AKAP13: variants seen among roughly 807,000 people sequenced by gnomAD.
The protein encoded by AKAP13 is A-kinase anchor protein 13.
In AKAP13, 80 loss-of-function variants were observed where a neutral mutation model predicts 264.5. That is an observed-to-expected ratio of 0.30 (90% confidence interval 0.25 to 0.36). AKAP13 has a LOEUF of 0.36. Ranked by LOEUF, AKAP13 falls within the 10% of genes least tolerant of loss-of-function variation. The pLI is 1.00. For missense variants in AKAP13, 3,712 were observed against 3,435.2 expected, an observed-to-expected ratio of 1.08 and a Z score of -2.01; for synonymous variants, 1,380 against 1,250.2, an observed-to-expected ratio of 1.10 and a Z score of -2.19.
chr15:85,679,968 C>A (rs1021394544), intron 14 of AKAP13, among the ~76,000 whole-genome samples: 6 of 152,126 alleles, frequency 3.9e-5, no homozygotes, highest in Non-Finnish European at 8.8e-5. Context: ...AAAAGGTCAT[C>A]ATAACTTAAC....
intron 1 of AKAP13, among the ~76,000 whole-genome samples, chr15:85,393,067 G>T (rs997808833): frequency 6.6e-6 from 1 of 152,152 alleles, no homozygotes; most frequent in African/African-American, 2.4e-5. Flanking sequence ...TATCATCCTT[G>T]TCTTGGCATT....
Position 85,639,312 on chromosome 15 carries a change from A to C in AKAP13, c.4162-62A>C, listed in dbSNP as rs939985494. On this transcript the variant is annotated intron_variant, in intron 8 of 36. Coordinates refer to ENST00000394518, the MANE Select transcript of AKAP13 (RefSeq NM_007200.5). ...GTTGGTCAGTTGACATAATTTTGGC[A>C]CCTGTAAAATTATCTCACATTACTT... 33 of 1,156,106 alleles carry C rather than the reference A, an allele frequency of 2.9e-5. No homozygotes were observed. In the South Asian group the frequency reaches 4.1e-4, roughly 14 times the overall value. The allele number at this position is 1,156,106 out of a possible 1,614,324, so 71.6% of individuals were successfully genotyped here.
rs116880040 is a variant in AKAP13, at chr15:85,662,503, G to C, written c.4800-2060G>C. On this transcript the variant is annotated intron_variant, in intron 12 of 36. Transcript: ENST00000394518. ...CACCAAATGGGGAACCATAAAATACGCCATCAGGGCTTTTGGCTTGGAGCT... is the reference window on the plus strand; with the variant it reads ...CACCAAATGGGGAACCATAAAATACCCCATCAGGGCTTTTGGCTTGGAGCT... 3.1e-6 allele frequency: 5 copies of C among 1,607,202 alleles called. No homozygotes were observed. In the African/African-American group the frequency reaches 6.7e-5, roughly 21 times the overall value.
chr15:85,692,261 A>C (rs955013254), intron 16 of AKAP13, among the ~76,000 whole-genome samples: 1 of 152,182 alleles, frequency 6.6e-6, no homozygotes, highest in Admixed American at 6.5e-5. Flanking sequence ...ATTTCCAGTA[A>C]ATTATGAGTA....
At position 85,387,996 on chromosome 15, in the gene AKAP13, G is replaced by A. The variant is rs549442922; in HGVS notation, c.-12+7198G>A. Among the ~76,000 whole-genome samples, 5 of 151,678 alleles carry A rather than the reference G, an allele frequency of 3.3e-5. No homozygotes were observed. In the South Asian group the frequency reaches 1.0e-3, roughly 32 times the overall value. ...GACATTATTGTCATTGGCAAATAAG[G>A]GCAGTTTGATTTCTTCGTTTTCACT... On this transcript the variant is annotated intron_variant, in intron 1 of 36. Coordinates refer to ENST00000394518, the MANE Select transcript of AKAP13 (RefSeq NM_007200.5).
At chr15:85,622,358 C>G (rs1173992267) in intron 8 of AKAP13, among the ~76,000 whole-genome samples, 7 of 152,028 alleles carry the variant, frequency 4.6e-5, no homozygotes, top group Non-Finnish European at 1.0e-4. Flanking sequence ...GAAGAGCTCT[C>G]TAGAAAGAAT....
intron 1 of AKAP13, among the ~76,000 whole-genome samples, chr15:85,473,089 T>A (rs2075019428): frequency 6.6e-6 from 1 of 152,212 alleles, no homozygotes; most frequent in African/African-American, 2.4e-5. Context: ...TGCTAATAAT[T>A]TGGTCATAAT....
At chr15:85,521,371 T>C in intron 2 of AKAP13, 57 bp from the exon 3 acceptor site, 2 of 1,579,566 alleles carry the variant, frequency 1.3e-6, no homozygotes, top group Admixed American at 1.7e-5. Flanking sequence ...TTGATAAAGA[T>C]AGGCTGCGAA....
At chr15:85,648,928 A>G (rs770696391) in intron 10 of AKAP13, among the ~76,000 whole-genome samples, 5 of 152,216 alleles carry the variant, frequency 3.3e-5, no homozygotes, top group Non-Finnish European at 7.3e-5. Context: ...CTCCTCATGC[A>G]TGCTTGAGAA....
intron 8 of AKAP13, among the ~76,000 whole-genome samples, chr15:85,636,927 C>G (rs2082095877): frequency 6.6e-6 from 1 of 152,334 alleles, no homozygotes; most frequent in South Asian, 2.1e-4. Context: ...AAATTCTTTT[C>G]ATCTAATGAT....
At chr15:85,467,843 G>A (rs2074807039) in intron 1 of AKAP13, among the ~76,000 whole-genome samples, 1 of 152,174 alleles carries the variant, frequency 6.6e-6, no homozygotes, top group South Asian at 2.1e-4. Flanking sequence ...CCAACCTGTT[G>A]CCCATTAGAT....
At chr15:85,682,791 C>T (rs1167964571) in intron 15 of AKAP13, among the ~76,000 whole-genome samples, 1 of 152,148 alleles carries the variant, frequency 6.6e-6, no homozygotes, top group Non-Finnish European at 1.5e-5. Context: ...CCTCAGCCTC[C>T]TGAGTGGCTG....
intron 5 of AKAP13, among the ~76,000 whole-genome samples, chr15:85,568,877 T>C (rs1430702509): frequency 6.6e-6 from 1 of 152,150 alleles, no homozygotes; most frequent in Non-Finnish European, 1.5e-5. Context: ...TTGTTTCTGA[T>C]AGATTGGGGG....
At chr15:85,435,500 A>G (rs2073242662) in intron 1 of AKAP13, among the ~76,000 whole-genome samples, 1 of 74,250 alleles carries the variant, frequency 1.3e-5, no homozygotes, top group South Asian at 5.4e-4. Flanking sequence ...GAGCAACTCC[A>G]AGACACATAA....
At chr15:85,497,693 T>C (rs780368068) in intron 2 of AKAP13, among the ~76,000 whole-genome samples, 1 of 152,204 alleles carries the variant, frequency 6.6e-6, no homozygotes, top group Non-Finnish European at 1.5e-5. Flanking sequence ...CATCAAATAG[T>C]GCTCAGTTGC....
chr15:85,442,514 A>ATATATTATATTATATATAATT (rs2073731843), intron 1 of AKAP13, among the ~76,000 whole-genome samples: 1 of 111,450 alleles, frequency 9.0e-6, no homozygotes, highest in Admixed American at 9.4e-5. Context: ...TATATATAAT[A>ATATATTATATTATATATAATT]TATATTATAT....
chr15:85,394,843 A>C (rs1191940820), intron 1 of AKAP13, among the ~76,000 whole-genome samples: 1 of 152,178 alleles, frequency 6.6e-6, no homozygotes, highest in East Asian at 1.9e-4. Context: ...GAAAGATATA[A>C]AACTTAGACT....
At chr15:85,684,522 C>A in intron 15 of AKAP13, 1 of 452,980 alleles carries the variant, frequency 2.2e-6, no homozygotes, top group Non-Finnish European at 3.9e-6. Context: ...TATCATCACA[C>A]CACTCAGAGC....
chr15:85,648,394 C>G (rs959189369), intron 10 of AKAP13, among the ~76,000 whole-genome samples: 1 of 152,178 alleles, frequency 6.6e-6, no homozygotes, highest in Non-Finnish European at 1.5e-5. Context: ...AGAGTTACTT[C>G]TGGTCACTTA....
Sources: gnomAD v4.1 joint callset for allele counts (sites outside exome capture counted in the v4.1 genomes callset) on GRCh38, gnomAD v4.1.1 for gene constraint, MANE v1.5 for transcripts, NCBI Gene and HGNC (gene_info 2026-07-23, HGNC 2026-07-21) for gene names.